Variants in GMDS observed in about 807,000 individuals in gnomAD.
GMDS encodes the protein GDP-mannose 4,6-dehydratase.
In GMDS, 20 loss-of-function variants were observed where a neutral mutation model predicts 49.9. The ratio of observed to expected loss-of-function variants is 0.40; its 90% confidence interval spans 0.28 to 0.58. GMDS has a LOEUF of 0.58. GMDS is among the 20% of genes least tolerant of loss of function. GMDS has a pLI of 0.42. For missense variants in GMDS, 362 were observed against 481.4 expected, an observed-to-expected ratio of 0.75 and a Z score of 2.32; for synonymous variants, 177 against 178.6, an observed-to-expected ratio of 0.99 and a Z score of 0.07.
intron 9 of GMDS, 112 bp downstream of exon 9, chr6:1,726,304 C>T (rs578111663): frequency 4.2e-6 from 3 of 718,664 alleles, no homozygotes; most frequent in Non-Finnish European, 5.0e-6. Context: ...CTGAAGGATG[C>T]CAGGGAGCTG....
rs138947899 is a variant in GMDS at position 1,656,022 on chromosome 6, C to G, written c.988-31482G>C. ...GCACATAGAGGTGAGCAACTGGACC[C>G]AGGTCACACAGAGAGTGCGTGGTGG... is the stretch of plus-strand genomic sequence containing the variant. On this transcript the variant is annotated intron_variant, in intron 9 of 10. Coordinates refer to ENST00000380815, the MANE Select transcript of GMDS (RefSeq NM_001500.4). 7.2e-3 allele frequency among the ~76,000 whole-genome samples: 1,097 copies of G among 152,290 alleles called. 13 individuals carry two copies. Among genetic ancestry groups the G allele is most frequent in the African/African-American group, 0.026 (1,064 of 41,548 alleles).
At chr6:2,052,681 C>A (rs1770491170) in intron 4 of GMDS, among the ~76,000 whole-genome samples, 1 of 152,168 alleles carries the variant, frequency 6.6e-6, no homozygotes, top group Non-Finnish European at 1.5e-5. Context: ...ATTATGGTTG[C>A]AAGACAATTG....
chr6:1,675,566 T>C (rs940983587), intron 9 of GMDS, among the ~76,000 whole-genome samples: 1 of 152,148 alleles, frequency 6.6e-6, no homozygotes, highest in Non-Finnish European at 1.5e-5. Flanking sequence ...AGTATAATGT[T>C]AGCTGGCTGG....
At chr6:1,802,633 AG>A (rs1334787633) in intron 7 of GMDS, among the ~76,000 whole-genome samples, 1 of 152,232 alleles carries the variant, frequency 6.6e-6, no homozygotes, top group Non-Finnish European at 1.5e-5. Context: ...GGCAGGAGGT[AG>A]GCCTGGGCGA....
intron 1 of GMDS, among the ~76,000 whole-genome samples, chr6:2,205,089 C>T (rs1308432682): frequency 6.6e-6 from 1 of 152,092 alleles, no homozygotes; most frequent in Non-Finnish European, 1.5e-5. Context: ...TTGTCCTAAA[C>T]CCTTTAACAG....
In GMDS at chr6:2,219,880, AC is replaced by A. The variant is rs539139146; in HGVS notation, c.102+25440del. On this transcript the variant is annotated intron_variant, in intron 1 of 10. Coordinates refer to ENST00000380815, the MANE Select transcript of GMDS (RefSeq NM_001500.4). ...AATCCAAAATGTCCCCAAATCCAAAACTTTTTTAGTGTCAACATGGCACCAG... is the reference window on the plus strand; with the variant it reads ...AATCCAAAATGTCCCCAAATCCAAAATTTTTTAGTGTCAACATGGCACCAG... Among the ~76,000 whole-genome samples the A allele has an allele frequency of 3.2e-3, 488 of 152,230 alleles. 3 individuals are homozygous for A. Among genetic ancestry groups the A allele is most frequent in the African/African-American group, 0.011 (469 of 41,534 alleles).
chr6:1,849,101 C>T (rs1757542796), intron 7 of GMDS, among the ~76,000 whole-genome samples: 1 of 152,204 alleles, frequency 6.6e-6, no homozygotes, highest in Non-Finnish European at 1.5e-5. Context: ...CATTTGAGCA[C>T]TGCTGGCCTA....
chr6:2,113,736 T>G (rs1774686834), intron 4 of GMDS, among the ~76,000 whole-genome samples: 2 of 151,876 alleles, frequency 1.3e-5, no homozygotes, highest in Non-Finnish European at 2.9e-5. Flanking sequence ...CCTCCTAGAG[T>G]TGAAACCCCC....
chr6:1,673,586 A>G (rs770918116), intron 9 of GMDS, among the ~76,000 whole-genome samples: 16 of 151,900 alleles, frequency 1.1e-4, no homozygotes, highest in Non-Finnish European at 1.9e-4. Context: ...ATTAGGGTTC[A>G]CTCCATGGCA....
At chr6:1,940,774 C>G (rs1375093423) in intron 6 of GMDS, among the ~76,000 whole-genome samples, 1 of 152,226 alleles carries the variant, frequency 6.6e-6, no homozygotes, top group Non-Finnish European at 1.5e-5. Context: ...ATCAAATGTT[C>G]AATGCATTTT....
At chr6:1,950,390 C>T (rs1271470666) in intron 6 of GMDS, among the ~76,000 whole-genome samples, 1 of 152,094 alleles carries the variant, frequency 6.6e-6, no homozygotes, top group African/African-American at 2.4e-5. Context: ...TAACTAATAA[C>T]AAAAAGTAAA....
intron 7 of GMDS, among the ~76,000 whole-genome samples, chr6:1,911,231 T>C (rs1235895752): frequency 5.3e-5 from 8 of 152,224 alleles, no homozygotes; most frequent in Non-Finnish European, 1.0e-4. Context: ...GACATGCTAA[T>C]GTCTCCCAAA....
At chr6:1,763,341 T>C (rs1768230646) in intron 7 of GMDS, among the ~76,000 whole-genome samples, 1 of 152,236 alleles carries the variant, frequency 6.6e-6, no homozygotes, top group Non-Finnish European at 1.5e-5. Flanking sequence ...GCAAAGGGGC[T>C]GAAGAACCAG....
intron 7 of GMDS, among the ~76,000 whole-genome samples, chr6:1,858,554 T>C (rs1240683508): frequency 3.3e-5 from 5 of 152,216 alleles, no homozygotes; most frequent in Non-Finnish European, 7.3e-5. Context: ...TATTTCCAAT[T>C]ACTTTCTTTG....
intron 9 of GMDS, among the ~76,000 whole-genome samples, chr6:1,653,718 C>T (rs190400114): frequency 1.3e-5 from 2 of 152,280 alleles, no homozygotes; most frequent in Non-Finnish European, 2.9e-5. Flanking sequence ...GTCTCTTCAA[C>T]GAATGGTACT....
intron 7 of GMDS, among the ~76,000 whole-genome samples, chr6:1,815,857 T>C (rs1041506620): frequency 6.6e-6 from 1 of 152,236 alleles, no homozygotes; most frequent in Admixed American, 6.5e-5. Flanking sequence ...CTGATGTCAA[T>C]TCTTGTTTTC....
At chr6:1,720,549 A>G (rs1766345929) in intron 9 of GMDS, among the ~76,000 whole-genome samples, 2 of 152,238 alleles carry the variant, frequency 1.3e-5, no homozygotes. Context: ...ATTACAAAAG[A>G]GGAAGCATTC....
chr6:1,862,820 A>T (rs1210762727), intron 7 of GMDS, among the ~76,000 whole-genome samples: 1 of 152,230 alleles, frequency 6.6e-6, no homozygotes, highest in Non-Finnish European at 1.5e-5. Flanking sequence ...TTATTGGAGG[A>T]GAGCTATAGT....
intron 4 of GMDS, among the ~76,000 whole-genome samples, chr6:2,108,695 A>G (rs182577184): frequency 1.3e-5 from 2 of 152,354 alleles, no homozygotes; most frequent in East Asian, 3.9e-4. Flanking sequence ...GATATAAAGT[A>G]TCAGAGTCCT....
Sources: gnomAD v4.1 joint callset for allele counts (sites outside exome capture counted in the v4.1 genomes callset) on GRCh38, gnomAD v4.1.1 for gene constraint, MANE v1.5 for transcripts, NCBI Gene and HGNC (gene_info 2026-07-23, HGNC 2026-07-21) for gene names.